DIPK1A: variants seen among roughly 807,000 people sequenced by gnomAD.
DIPK1A encodes the protein divergent protein kinase domain 1A, also known as family with sequence similarity 69 member A.
Under a neutral mutation model 40.8 loss-of-function variants are expected in DIPK1A, and 27 were observed. The ratio of observed to expected loss-of-function variants is 0.66; its 90% CI spans 0.49 to 0.91. The LOEUF is 0.91. Among genes scored for constraint, DIPK1A ranks in the 40% least tolerant of loss-of-function variants. DIPK1A has a pLI of 0.00. For synonymous variants in DIPK1A, 166 were observed against 171.3 expected, an observed-to-expected ratio of 0.97 and a Z score of 0.24; for missense variants, 412 against 505.7, an observed-to-expected ratio of 0.81 and a Z score of 1.78.
intron 1 of DIPK1A, among the ~76,000 whole-genome samples, chr1:92,959,150 G>A (rs1651958903): frequency 6.6e-6 from 1 of 152,034 alleles, no homozygotes; most frequent in Non-Finnish European, 1.5e-5. Flanking sequence ...GCTGGGCATG[G>A]TGGTGTGCGC....
intron 1 of DIPK1A, among the ~76,000 whole-genome samples, chr1:92,919,880 G>C (rs887057267): frequency 6.6e-6 from 1 of 152,148 alleles, no homozygotes; most frequent in African/African-American, 2.4e-5. Context: ...AATCTTAAAG[G>C]AAAACGAATG....
chr1:92,834,982 T>C, intron 4 of DIPK1A: 1 of 1,592,112 alleles, frequency 6.3e-7, no homozygotes, highest in Non-Finnish European at 8.5e-7. Context: ...TGCAAGATGT[T>C]TGTACATGGA....
In DIPK1A at chr1:92,892,742, A is replaced by T. The variant is rs1268078167; in HGVS notation, c.55-16312T>A. On this transcript the variant is annotated intron_variant, in intron 1 of 4. Transcript: ENST00000370310. ...AGTTCGAACCCATGGCAAAGAAGTTAAAAACCTTAAAAAAAGATTAGATGA... is the reference window on the plus strand; with the variant it reads ...AGTTCGAACCCATGGCAAAGAAGTTTAAAACCTTAAAAAAAGATTAGATGA... Among the ~76,000 whole-genome samples, 4 of 152,184 alleles carry T rather than the reference A, an allele frequency of 2.6e-5. No individual in the cohort carries two copies. In the South Asian group the frequency reaches 8.3e-4, roughly 32 times the overall value.
chr1:92,867,706 A>G (rs1647621858), intron 2 of DIPK1A, among the ~76,000 whole-genome samples: 1 of 152,050 alleles, frequency 6.6e-6, no homozygotes, highest in African/African-American at 2.4e-5. Context: ...GGGTTTCACC[A>G]TGTTGGCCGG....
At chr1:92,950,404 TAGACTCCTAAAGG>T (rs1651580856) in intron 1 of DIPK1A, among the ~76,000 whole-genome samples, 2 of 152,156 alleles carry the variant, frequency 1.3e-5, no homozygotes, top group African/African-American at 4.8e-5. Context: ...GAACTCTGCA[TAGACTCCTAAAGG>T]CAATGGGAAG....
intron 1 of DIPK1A, among the ~76,000 whole-genome samples, chr1:92,947,752 T>C (rs1408041037): frequency 6.6e-6 from 1 of 152,164 alleles, no homozygotes; most frequent in South Asian, 2.1e-4. Flanking sequence ...CACGGCAATA[T>C]GGATGAGCCT....
chr1:92,920,122 AG>A (rs1304164302), intron 1 of DIPK1A, among the ~76,000 whole-genome samples: 1 of 152,236 alleles, frequency 6.6e-6, no homozygotes, highest in Non-Finnish European at 1.5e-5. Context: ...GTAAGTAAAA[AG>A]ATAATTACCA....
chr1:92,902,828 C>T (rs1649472123), intron 1 of DIPK1A, among the ~76,000 whole-genome samples: 1 of 151,998 alleles, frequency 6.6e-6, no homozygotes, highest in African/African-American at 2.4e-5. Context: ...TACTCCAGTA[C>T]CCTCCTTCAG....
chr1:92,850,495 A>G (rs547329989), intron 3 of DIPK1A, among the ~76,000 whole-genome samples: 108 of 152,284 alleles, frequency 7.1e-4, no homozygotes, highest in South Asian at 1.2e-3. Flanking sequence ...AGCCTGGGCA[A>G]CATGGCGGGA....
chr1:92,948,034 T>C (rs767302420), intron 1 of DIPK1A, among the ~76,000 whole-genome samples: 6 of 152,234 alleles, frequency 3.9e-5, no homozygotes, highest in Admixed American at 6.5e-5. Context: ...TATTTTCAAA[T>C]AGCTAGGAGA....
chr1:92,938,892 A>G (rs1371212040), intron 1 of DIPK1A, among the ~76,000 whole-genome samples: 1 of 152,132 alleles, frequency 6.6e-6, no homozygotes, highest in Non-Finnish European at 1.5e-5. Context: ...TAATGTCAGA[A>G]TTCTTTCTAC....
At chr1:92,833,090 A>G in intron 4 of DIPK1A, 2 of 708,522 alleles carry the variant, frequency 2.8e-6, no homozygotes, top group African/African-American at 1.7e-5. Flanking sequence ...AAAGCAATAT[A>G]ACAATAATTT....
chr1:92,863,986 G>A (rs1647408846), intron 2 of DIPK1A, among the ~76,000 whole-genome samples: 6 of 152,164 alleles, frequency 3.9e-5, no homozygotes, highest in Admixed American at 3.9e-4. Context: ...GAACCCGGGA[G>A]GTGAAGGTTG....
chr1:92,903,252 A>G (rs2100824600), intron 1 of DIPK1A, among the ~76,000 whole-genome samples: 2 of 152,046 alleles, frequency 1.3e-5, no homozygotes, highest in East Asian at 3.9e-4. Context: ...TGCCATGTTG[A>G]CCAGGTGGGT....
intron 2 of DIPK1A, among the ~76,000 whole-genome samples, chr1:92,873,013 G>C (rs761307325): frequency 2.0e-5 from 3 of 152,128 alleles, no homozygotes; most frequent in Non-Finnish European, 4.4e-5. Flanking sequence ...TCCCCAGTAG[G>C]GGCTTTCCGC....
intron 1 of DIPK1A, among the ~76,000 whole-genome samples, chr1:92,913,366 C>T (rs2100839728): frequency 7.0e-6 from 1 of 142,890 alleles, no homozygotes; most frequent in South Asian, 2.1e-4. Flanking sequence ...TTCTTTTATA[C>T]CATGATGTGA....
downstream of DIPK1A, chr1:92,841,776 C>T (rs1687375331): frequency 6.2e-7 from 1 of 1,610,838 alleles, no homozygotes; most frequent in South Asian, 1.1e-5. Context: ...GTGGAACCGT[C>T]CCAAAATGTC....
intron 1 of DIPK1A, among the ~76,000 whole-genome samples, chr1:92,889,935 C>A (rs545379218): frequency 3.3e-5 from 5 of 152,230 alleles, no homozygotes; most frequent in Non-Finnish European, 7.3e-5. Flanking sequence ...CAGGCGTGAG[C>A]CACCATGCCC....
chr1:92,840,700 G>A (rs1469070395), downstream of DIPK1A: 5 of 1,199,250 alleles, frequency 4.2e-6, no homozygotes, highest in African/African-American at 1.5e-5. Context: ...CCCACGTGGG[G>A]CAGACTGTTG....
Sources: allele counts gnomAD v4.1 joint callset (sites outside exome capture counted in the v4.1 genomes callset), GRCh38; gene constraint gnomAD v4.1.1; transcripts MANE v1.5; gene names NCBI Gene and HGNC (gene_info 2026-07-23, HGNC 2026-07-21).